The following PHKB variants were observed in gnomAD, a reference collection of about 807,000 sequenced individuals.
PHKB encodes phosphorylase kinase regulatory subunit beta, also known as phosphorylase b kinase regulatory subunit beta.
Under a neutral mutation model 152.1 loss-of-function variants are expected in PHKB, and 122 were observed. That is an observed-to-expected ratio of 0.80 (90% CI 0.69 to 0.93). The LOEUF (loss-of-function observed/expected upper bound fraction) is 0.93. PHKB is among the 40% of genes least tolerant of loss of function. The pLI is 0.00. For missense variants in PHKB, 1,304 were observed against 1,328.4 expected, an observed-to-expected ratio of 0.98 and a Z score of 0.29; for synonymous variants, 436 against 464.9, an observed-to-expected ratio of 0.94 and a Z score of 0.80.
chr16:47,595,400 G>T (rs1972100951), intron 12 of PHKB, among the ~76,000 whole-genome samples: 1 of 152,150 alleles, frequency 6.6e-6, no homozygotes. Flanking sequence ...ATTGCAAAAA[G>T]TCTCCTGTAG....
At position 47,641,061 on chromosome 16, in the gene PHKB, T is replaced by C. The variant is rs536930472; in HGVS notation, c.1485T>C (p.Val495=). 136 of 1,614,082 alleles carry C rather than the reference T, an allele frequency of 8.4e-5. 1 individual carries two copies. In the South Asian group the frequency reaches 1.4e-3, roughly 17 times the overall value. The change falls in exon 15 of 31, where the codon GTT becomes GTC. Residue 495 remains valine (V), a synonymous_variant. Coordinates refer to ENST00000323584, the MANE Select transcript of PHKB (RefSeq NM_000293.3). The part of the protein sequence containing the change: ...NQGPLENDLV[V]HVALIAESQR... ...GCCCACTGGAAAATGACTTGGTAGT[T>C]CATGTGGCACTTATAGCAGAAAGCC... is the stretch of plus-strand genomic sequence containing the variant.
chr16:47,535,971 G>A (rs536737782), intron 6 of PHKB, among the ~76,000 whole-genome samples: 1 of 152,288 alleles, frequency 6.6e-6, no homozygotes, highest in East Asian at 1.9e-4. Flanking sequence ...GCAACAATGG[G>A]CTAACAACAT....
At chr16:47,524,788 G>A (rs1049251946) in intron 6 of PHKB, among the ~76,000 whole-genome samples, 1 of 152,146 alleles carries the variant, frequency 6.6e-6, no homozygotes, top group African/African-American at 2.4e-5. Context: ...AACATTCTTT[G>A]AGGATATTTT....
chr16:47,641,605 A>G lies in PHKB; in HGVS notation c.1521A>G (p.Gln507=), dbSNP rs755585637. The G allele has an allele frequency of 6.4e-7, 1 of 1,565,226 alleles. No individual in the cohort carries two copies. Residue 507 remains glutamine (Q), a synonymous_variant, in exon 16 of 31, where the codon CAA becomes CAG. Coordinates refer to ENST00000323584, the MANE Select transcript of PHKB (RefSeq NM_000293.3). ...VALIAESQRL[Q]VFLNTYGIQT... ...TTATCCCTATGATCTTTAGACTTCA[A>G]GTTTTTCTGAACACATATGGTATTC...
chr16:47,630,515 G>A (rs755649115), intron 14 of PHKB, among the ~76,000 whole-genome samples: 15 of 152,034 alleles, frequency 9.9e-5, no homozygotes, highest in Middle Eastern at 3.2e-3. Flanking sequence ...AAGAAAATAG[G>A]TTTGTAAACA....
chr16:47,651,353 G>T (rs1027614995), intron 20 of PHKB, among the ~76,000 whole-genome samples: 2 of 152,110 alleles, frequency 1.3e-5, no homozygotes. Flanking sequence ...TTCACTGTTG[G>T]TCATAACAGC....
chr16:47,649,311 A>C, intron 18 of PHKB, 107 bp downstream of exon 18: 1 of 758,794 alleles, frequency 1.3e-6, no homozygotes, highest in Non-Finnish European at 2.4e-6. Flanking sequence ...CTGGGTTAAC[A>C]CAGTGTAAAG....
chr16:47,610,341 G>C (rs533395973), intron 13 of PHKB, among the ~76,000 whole-genome samples: 1 of 151,618 alleles, frequency 6.6e-6, no homozygotes, highest in Non-Finnish European at 1.5e-5. Flanking sequence ...GGAAAAATAG[G>C]TTATTGATTT....
chr16:47,663,715 G>A lies in PHKB; in HGVS notation c.2317G>A (p.Ala773Thr). The change falls in exon 24 of 31, where the codon GCT (alanine) becomes ACT (threonine). Residue 773 changes from alanine to threonine, a missense_variant. By Grantham distance (58) the Ala-to-Thr change is moderately conservative (BLOSUM62 0). Coordinates refer to ENST00000323584, the MANE Select transcript of PHKB (RefSeq NM_000293.3). The stretch of plus-strand genomic sequence containing the variant: ...TCACATTGAGAGAGTCTATAGAAGA[G>A]CTGGCAGCCAAAAACTTTGGTTTGT... ...SDHIERVYRR[A>T]GSQKLWLAVR... The A allele has an allele frequency of 6.2e-7, 1 of 1,610,782 alleles. No individual in the cohort carries two copies. Among genetic ancestry groups the A allele is most frequent in the South Asian group, 1.1e-5 (1 of 91,018 alleles).
chr16:47,666,140 T>G, intron 25 of PHKB: 1 of 788,266 alleles, frequency 1.3e-6, no homozygotes, highest in Non-Finnish European at 2.2e-6. Context: ...CCTCTTACAA[T>G]CAGATTTATA....
At chr16:47,602,401 G>A (rs541769964) in intron 13 of PHKB, among the ~76,000 whole-genome samples, 22 of 152,146 alleles carry the variant, frequency 1.4e-4, no homozygotes, top group Non-Finnish European at 2.2e-4. Context: ...GTGATTGTTT[G>A]GAAGCCAATT....
At position 47,669,502 on chromosome 16, in the gene PHKB, T is replaced by G; in HGVS notation, c.2630+85T>G. 6 of 1,184,858 alleles carry G rather than the reference T, an allele frequency of 5.1e-6. No homozygotes were observed. The South Asian group carries it at 7.4e-5, about 15-fold the overall frequency. 73.4% of individuals were successfully genotyped at this position (1,184,858 alleles called of 1,614,324 possible). On this transcript the variant is annotated intron_variant, in intron 26 of 30. Transcript: ENST00000323584. The stretch of plus-strand genomic sequence containing the variant: ...CCGGCCTCTCCAAGTGAAGCAATGT[T>G]CCTGGTGTCTGGTGAGTATTCAGCA...
At chr16:47,601,006 ATTC>A (rs2151704265) in intron 13 of PHKB, among the ~76,000 whole-genome samples, 1 of 152,158 alleles carries the variant, frequency 6.6e-6, no homozygotes, top group Non-Finnish European at 1.5e-5. Context: ...AATTTTTTGT[ATTC>A]TTAGTAGAGA....
chr16:47,664,756 C>T, intron 24 of PHKB, 129 bp from the exon 25 acceptor site: 1 of 711,684 alleles, frequency 1.4e-6, no homozygotes, highest in South Asian at 1.5e-5. Context: ...TTATGTATTA[C>T]ACTTTATGCA....
chr16:47,615,040 A>C (rs1972490807), intron 14 of PHKB, among the ~76,000 whole-genome samples: 1 of 152,220 alleles, frequency 6.6e-6, no homozygotes, highest in South Asian at 2.1e-4. Flanking sequence ...AGCACTAAGA[A>C]ATATTGTGCC....
At chr16:47,468,304 C>T (rs1969704407) in intron 1 of PHKB, among the ~76,000 whole-genome samples, 1 of 152,192 alleles carries the variant, frequency 6.6e-6, no homozygotes, top group Non-Finnish European at 1.5e-5. Flanking sequence ...TTAAGAAATG[C>T]AAGTCAGCTC....
At chr16:47,540,819 GTTTTTTT>G (rs75589113) in intron 6 of PHKB, among the ~76,000 whole-genome samples, 3 of 64,276 alleles carry the variant, frequency 4.7e-5, no homozygotes, top group Middle Eastern at 0.013. Context: ...TAAATGTCCT[GTTTTTTT>G]TTTTTTTTTT....
intron 26 of PHKB, among the ~76,000 whole-genome samples, chr16:47,670,153 T>C: frequency 6.6e-6 from 1 of 152,256 alleles, no homozygotes; most frequent in Non-Finnish European, 1.5e-5. Context: ...TGTTTCTTTT[T>C]TAAATACATT....
intron 16 of PHKB, among the ~76,000 whole-genome samples, chr16:47,645,032 A>G (rs924303776): frequency 6.6e-6 from 1 of 152,376 alleles, no homozygotes; most frequent in Non-Finnish European, 1.5e-5. Flanking sequence ...AGATTTCTTG[A>G]AATAAAAAAG....
Sources: allele counts gnomAD v4.1 joint callset (sites outside exome capture counted in the v4.1 genomes callset), GRCh38; gene constraint gnomAD v4.1.1; transcripts MANE v1.5; gene names NCBI Gene and HGNC (gene_info 2026-07-23, HGNC 2026-07-21).